DYNC2I1: variants seen among roughly 807,000 people sequenced by gnomAD.
DYNC2I1 encodes cytoplasmic dynein 2 intermediate chain 1.
A neutral mutation model predicts 133.4 loss-of-function variants in DYNC2I1; 89 were observed. The ratio of observed to expected loss-of-function variants is 0.67; its 90% CI spans 0.56 to 0.80. The LOEUF is 0.80. DYNC2I1 is among the 30% of genes least tolerant of loss of function. DYNC2I1 has a pLI of 0.00. For synonymous variants in DYNC2I1, 504 were observed against 484.3 expected, an observed-to-expected ratio of 1.04 and a Z score of -0.54; for missense variants, 1,291 against 1,314.5, an observed-to-expected ratio of 0.98 and a Z score of 0.28.
intron 5 of DYNC2I1, among the ~76,000 whole-genome samples, chr7:158,882,775 C>A (rs1337866931): frequency 2.0e-5 from 3 of 151,292 alleles, no homozygotes; most frequent in Non-Finnish European, 4.4e-5. Context: ...ACTTGGGAGG[C>A]TGAGGCAGGA....
chr7:158,887,143 G>C, intron 7 of DYNC2I1, 68 bp downstream of exon 7: 3 of 1,532,436 alleles, frequency 2.0e-6, no homozygotes, highest in Non-Finnish European at 2.7e-6. Flanking sequence ...ATCTTACTTT[G>C]GGCTTCCCCT....
intron 13 of DYNC2I1, among the ~76,000 whole-genome samples, chr7:158,913,733 G>T (rs1484472979): frequency 6.6e-6 from 1 of 152,008 alleles, no homozygotes; most frequent in Non-Finnish European, 1.5e-5. Flanking sequence ...TTTTGAGATG[G>T]AGCCTTGCTC....
chr7:158,922,445 C>T lies in DYNC2I1; in HGVS notation c.1990C>T (p.Pro664Ser). 1.2e-6 allele frequency: 2 copies of T among 1,614,032 alleles called. No individual in the cohort carries two copies. The highest frequency in any genetic ancestry group is 2.2e-5 in the South Asian group (2 of 91,086). The change falls in exon 16 of 25, where the codon CCC becomes TCC. Residue 664 changes from proline to serine, a missense_variant. Pro to Ser is a moderately conservative substitution (Grantham distance 74). Coordinates refer to ENST00000407559, the MANE Select transcript of DYNC2I1 (RefSeq NM_018051.5). ...RQMVVSVHDL[P>S]EKSFVPLLDS... is the part of the protein sequence containing the mutation. ...GATGGTGGTCTCCGTTCACGACTTA[C>T]CCGAGAAGAGCTTTGTGCCCCTGCT...
At chr7:158,869,983 C>T (rs1842734728) in intron 2 of DYNC2I1, 75 bp downstream of exon 2, 6 of 1,302,782 alleles carry the variant, frequency 4.6e-6, no homozygotes, top group African/African-American at 1.5e-5. Flanking sequence ...TTACCTGGTA[C>T]ACAACACTGT....
intron 23 of DYNC2I1, among the ~76,000 whole-genome samples, chr7:158,938,947 G>T (rs539255558): frequency 6.6e-6 from 1 of 152,160 alleles, no homozygotes; most frequent in Admixed American, 6.5e-5. Context: ...AAGCCAAAAA[G>T]ACCTATTAAA....
downstream of DYNC2I1, among the ~76,000 whole-genome samples, chr7:158,949,942 T>C (rs10949746): frequency 0.17 from 25,176 of 151,924 alleles, 2,628 homozygotes; most frequent in East Asian, 0.45. Context: ...TGGCTAATTT[T>C]GTATTTTTAG....
chr7:158,891,409 T>C, intron 8 of DYNC2I1, 76 bp downstream of exon 8: 1 of 1,543,288 alleles, frequency 6.5e-7, no homozygotes, highest in Non-Finnish European at 9.0e-7. Context: ...TGCTTTCCTG[T>C]CAGCATTTTG....
At chr7:158,931,819 C>G (rs1850246534) in intron 21 of DYNC2I1, among the ~76,000 whole-genome samples, 1 of 152,370 alleles carries the variant, frequency 6.6e-6, no homozygotes, top group Non-Finnish European at 1.5e-5. Flanking sequence ...CATCCTCCGT[C>G]AAGGTGCTCC....
In DYNC2I1 at chr7:158,911,933, G is replaced by T. The variant is rs147658567; in HGVS notation, c.1590+254G>T. 3.6e-3 allele frequency among the ~76,000 whole-genome samples: 541 copies of T among 152,312 alleles called. 8 individuals carry two copies. The highest frequency in any genetic ancestry group is 0.012 in the African/African-American group (488 of 41,568). On this transcript the variant is annotated intron_variant, in intron 12 of 24. Transcript: ENST00000407559. The stretch of plus-strand genomic sequence containing the variant: ...GATCTGCTCGGAATGGGGACAGAAT[G>T]GCTGCTGTCCTGACCTTGGAGTGAA...
chr7:158,847,052 A>G, the DYNC2I1 span, among the ~76,000 whole-genome samples: 2 of 152,246 alleles, frequency 1.3e-5, no homozygotes, highest in African/African-American at 4.8e-5. Flanking sequence ...ATTGACTTAA[A>G]GAAAAGTTAG....
At chr7:158,875,605 A>AG (rs888454033) in intron 3 of DYNC2I1, among the ~76,000 whole-genome samples, 32 of 152,158 alleles carry the variant, frequency 2.1e-4, no homozygotes, top group African/African-American at 7.0e-4. Flanking sequence ...TCTCTCTTGC[A>AG]GGTCATACTG....
chr7:158,957,250 C>T (rs563471765), downstream of DYNC2I1, among the ~76,000 whole-genome samples: 1 of 152,202 alleles, frequency 6.6e-6, no homozygotes, highest in Non-Finnish European at 1.5e-5. Context: ...TTTTGGAGGG[C>T]GCCTTCCTTT....
intron 8 of DYNC2I1, among the ~76,000 whole-genome samples, chr7:158,894,062 AC>A: frequency 6.6e-6 from 1 of 151,928 alleles, no homozygotes; most frequent in East Asian, 1.9e-4. Flanking sequence ...CACATGTCAC[AC>A]CACATATCAT....
intron 23 of DYNC2I1, among the ~76,000 whole-genome samples, chr7:158,939,636 A>C (rs1851124685): frequency 6.6e-6 from 1 of 152,192 alleles, no homozygotes; most frequent in Admixed American, 6.5e-5. Context: ...AATATCACTG[A>C]ATGTAAATGG....
intron 4 of DYNC2I1, among the ~76,000 whole-genome samples, chr7:158,878,155 T>C (rs1167712629): frequency 1.2e-4 from 14 of 112,112 alleles, no homozygotes; most frequent in South Asian, 3.2e-4. Context: ...CTGTGAGTGC[T>C]GGGCATCATG....
At chr7:158,913,562 C>T (rs1257983716) in intron 13 of DYNC2I1, among the ~76,000 whole-genome samples, 1 of 152,194 alleles carries the variant, frequency 6.6e-6, no homozygotes, top group Non-Finnish European at 1.5e-5. Flanking sequence ...GAGCGATTTA[C>T]ATGTTGAATA....
At chr7:158,887,103 T>C in intron 7 of DYNC2I1, 28 bp downstream of exon 7, 1 of 1,604,116 alleles carries the variant, frequency 6.2e-7, no homozygotes. Flanking sequence ...GAGAATACAT[T>C]GATTTTATGG....
chr7:158,945,198 G>T lies in DYNC2I1; in HGVS notation c.3003-383G>T, dbSNP rs1002101232. 6.6e-6 allele frequency among the ~76,000 whole-genome samples: 1 copy of T among 152,124 alleles called. No individual in the cohort carries two copies. The highest frequency in any genetic ancestry group is 2.4e-5 in the African/African-American group (1 of 41,428). The stretch of plus-strand genomic sequence containing the variant: ...GAGTCCGGGCTGGAGACGCAGACTT[G>T]TGAGTCCTGACACTCAGCTGTGGGT... On this transcript the variant is annotated intron_variant, in intron 24 of 24. Coordinates refer to ENST00000407559, the MANE Select transcript of DYNC2I1 (RefSeq NM_018051.5). The surrounding 1 kb of genome is among the most constrained non-coding windows in gnomAD (Gnocchi z 4.1).
chr7:158,925,612 T>G (rs1481563501), intron 17 of DYNC2I1, among the ~76,000 whole-genome samples: 1 of 152,236 alleles, frequency 6.6e-6, no homozygotes, highest in African/African-American at 2.4e-5. Flanking sequence ...GAGCTTTGCT[T>G]TATTGATTGG....
Sources: allele counts gnomAD v4.1 joint callset (sites outside exome capture counted in the v4.1 genomes callset), GRCh38; gene constraint gnomAD v4.1.1; non-coding constraint Gnocchi (gnomAD v3.1); transcripts MANE v1.5; gene names NCBI Gene and HGNC (gene_info 2026-07-23, HGNC 2026-07-21).